The following RGS8 variants were observed in gnomAD, a reference collection of about 807,000 sequenced individuals.
The protein encoded by RGS8 is regulator of G protein signaling 8.
RGS8 carries 8 observed loss-of-function variants against 21.7 expected under a neutral mutation model. That is an observed-to-expected ratio of 0.37 (90% CI 0.22 to 0.66). The LOEUF (loss-of-function observed/expected upper bound fraction) is 0.66. RGS8 is among the 30% of genes least tolerant of loss of function. The probability of loss-of-function intolerance (pLI) is 0.59; values close to 1 mark genes in which losing one functional copy is unlikely to be tolerated. For missense variants in RGS8, 157 were observed against 217.9 expected (o/e 0.72, Z 1.76); for synonymous variants, 80 against 83.6 (o/e 0.96, Z 0.24).
At chr1:182,728,242 A>G in the RGS8 span, among the ~76,000 whole-genome samples, 1 of 152,230 alleles carries the variant, frequency 6.6e-6, no homozygotes, top group South Asian at 2.1e-4. Context: ...CATAAAAGCA[A>G]AGCCAAGCTT....
At chr1:182,719,291 A>G in the RGS8 span, among the ~76,000 whole-genome samples, 1 of 152,176 alleles carries the variant, frequency 6.6e-6, no homozygotes, top group Admixed American at 6.5e-5. Flanking sequence ...GAGGAGAAAA[A>G]AAGTTAGACT....
chr1:182,688,823 A>G (rs75918408), upstream of RGS8, among the ~76,000 whole-genome samples: 2 of 152,312 alleles, frequency 1.3e-5, no homozygotes, highest in East Asian at 1.9e-4. Flanking sequence ...AGGACACAGG[A>G]CATCAGTTCT....
At chr1:182,665,926 T>C (rs771344276) in intron 5 of RGS8, 43 bp downstream of exon 6, 20 of 1,535,228 alleles carry the variant, frequency 1.3e-5, no homozygotes, top group South Asian at 2.2e-5. Flanking sequence ...TCTCACTAAA[T>C]AGATGATTTG....
the RGS8 span, among the ~76,000 whole-genome samples, chr1:182,708,418 G>T: frequency 6.6e-6 from 1 of 152,196 alleles, no homozygotes; most frequent in Non-Finnish European, 1.5e-5. Flanking sequence ...GCCGCTGCAG[G>T]TCCCTGTGCT....
downstream of RGS8, chr1:182,645,902 A>G (rs1662680653): frequency 6.6e-6 from 1 of 152,326 alleles, no homozygotes; most frequent in South Asian, 2.1e-4. Flanking sequence ...AGCAACAGAC[A>G]GGTTACATGG....
At chr1:182,699,908 G>A in the RGS8 span, among the ~76,000 whole-genome samples, 1 of 152,018 alleles carries the variant, frequency 6.6e-6, no homozygotes, top group African/African-American at 2.4e-5. Flanking sequence ...ACATATGAGA[G>A]GTCTCACGGC....
At chr1:182,693,743 T>A in the RGS8 span, among the ~76,000 whole-genome samples, 1 of 152,236 alleles carries the variant, frequency 6.6e-6, no homozygotes, top group East Asian at 1.9e-4. Context: ...ATGGGTGGAC[T>A]GGATAAAGAA....
upstream of RGS8, chr1:182,672,338 G>GTGTGA (rs907819382): frequency 2.4e-4 from 45 of 190,240 alleles, no homozygotes; most frequent in African/African-American, 8.0e-4. Context: ...GTCTTGCTGG[G>GTGTGA]TGTGATGTGA....
chr1:182,690,352 T>C, the RGS8 span, among the ~76,000 whole-genome samples: 1 of 152,344 alleles, frequency 6.6e-6, no homozygotes, highest in African/African-American at 2.4e-5. Context: ...ATAAGCTCCA[T>C]GAAGGCAGGG....
chr1:182,702,507 C>T, the RGS8 span, among the ~76,000 whole-genome samples: 2 of 152,170 alleles, frequency 1.3e-5, no homozygotes, highest in Admixed American at 6.5e-5. Flanking sequence ...AACAAATCTG[C>T]ACATGTACCC....
chr1:182,712,487 C>T, the RGS8 span, among the ~76,000 whole-genome samples: 1 of 152,220 alleles, frequency 6.6e-6, no homozygotes, highest in Non-Finnish European at 1.5e-5. Context: ...TTCCAATGTG[C>T]TCACATGTCA....
chr1:182,684,825 G>A (rs982373891), upstream of RGS8, among the ~76,000 whole-genome samples: 1 of 152,158 alleles, frequency 6.6e-6, no homozygotes, highest in Admixed American at 6.5e-5. This position sits in a 1 kb window ranked among gnomAD's most constrained non-coding sequence, Gnocchi z 4.2. Flanking sequence ...GGTGAGGGAG[G>A]GAAGAGATCA....
At chr1:182,743,186 T>C in the RGS8 span, among the ~76,000 whole-genome samples, 1 of 152,206 alleles carries the variant, frequency 6.6e-6, no homozygotes, top group Non-Finnish European at 1.5e-5. Flanking sequence ...TGAGAAGACC[T>C]GAACTTCAGT....
At chr1:182,695,588 C>T in the RGS8 span, among the ~76,000 whole-genome samples, 1 of 152,322 alleles carries the variant, frequency 6.6e-6, no homozygotes, top group African/African-American at 2.4e-5. Context: ...TTCTGAGTAG[C>T]TGGGACTACA....
At chr1:182,751,242 T>C in the RGS8 span, among the ~76,000 whole-genome samples, 12 of 152,202 alleles carry the variant, frequency 7.9e-5, no homozygotes, top group Non-Finnish European at 1.6e-4. Flanking sequence ...TTAGAAGGCT[T>C]TGAGCCAAGA....
chr1:182,693,911 G>T, the RGS8 span, among the ~76,000 whole-genome samples: 2 of 152,136 alleles, frequency 1.3e-5, no homozygotes, highest in Admixed American at 1.3e-4. Flanking sequence ...ACAAGTAGGT[G>T]CTAAACATTG....
chr1:182,711,370 T>C, the RGS8 span, among the ~76,000 whole-genome samples: 1 of 152,328 alleles, frequency 6.6e-6, no homozygotes, highest in South Asian at 2.1e-4. Flanking sequence ...TAAAATGTCA[T>C]TCTTCTGATT....
chr1:182,707,145 T>C, the RGS8 span, among the ~76,000 whole-genome samples: 1 of 151,506 alleles, frequency 6.6e-6, no homozygotes, highest in Non-Finnish European at 1.5e-5. Context: ...GCAACAAGAG[T>C]GGGACTCCAT....
intron 1 of RGS8, among the ~76,000 whole-genome samples, chr1:182,682,434 C>G (rs1664566614): frequency 6.6e-6 from 1 of 152,180 alleles, no homozygotes; most frequent in Non-Finnish European, 1.5e-5. Flanking sequence ...TTTCACTTCT[C>G]TGGCTGAACT....
Sources: gnomAD v4.1 joint callset for allele counts (sites outside exome capture counted in the v4.1 genomes callset) on GRCh38, gnomAD v4.1.1 for gene constraint, Gnocchi (gnomAD v3.1) non-coding constraint, MANE v1.5 for transcripts, NCBI Gene and HGNC (gene_info 2026-07-23, HGNC 2026-07-21) for gene names.